SEMA5A: variants seen among roughly 807,000 people sequenced by gnomAD.
SEMA5A encodes semaphorin 5A.
A neutral mutation model predicts 135.5 loss-of-function variants in SEMA5A; 55 were observed. That is an observed-to-expected ratio of 0.41 (90% CI 0.33 to 0.51). SEMA5A has a LOEUF of 0.51. Among genes scored for constraint, SEMA5A ranks in the 20% least tolerant of loss-of-function variants. The pLI is 0.37. For missense variants in SEMA5A, 1,290 were observed against 1,419.9 expected, an observed-to-expected ratio of 0.91 and a Z score of 1.47; for synonymous variants, 580 against 546.5, an observed-to-expected ratio of 1.06 and a Z score of -0.85.
intron 5 of SEMA5A, among the ~76,000 whole-genome samples, chr5:9,248,256 G>T (rs189369761): frequency 4.7e-4 from 71 of 152,142 alleles, no homozygotes; most frequent in Middle Eastern, 6.8e-3. Context: ...GATGCCTTTT[G>T]TTATAATTTT....
chr5:9,280,855 A>C (rs761594182), intron 5 of SEMA5A: 1 of 406,164 alleles, frequency 2.5e-6, no homozygotes. Context: ...CGTTTTAGCA[A>C]ATAACAATAA....
intron 4 of SEMA5A, among the ~76,000 whole-genome samples, chr5:9,320,114 G>A (rs943206055): frequency 6.6e-6 from 1 of 152,098 alleles, no homozygotes; most frequent in Non-Finnish European, 1.5e-5. Context: ...CTCCTCACAT[G>A]GGGGTACCAC....
chr5:9,147,534 T>C (rs1742404013), intron 12 of SEMA5A, among the ~76,000 whole-genome samples: 1 of 152,012 alleles, frequency 6.6e-6, no homozygotes, highest in Admixed American at 6.6e-5. Flanking sequence ...CCTCCCAAAG[T>C]GCGGGGATTA....
At chr5:9,224,517 T>C (rs951670749) in intron 8 of SEMA5A, among the ~76,000 whole-genome samples, 157 bp downstream of exon 8, 1 of 152,202 alleles carries the variant, frequency 6.6e-6, no homozygotes, top group Non-Finnish European at 1.5e-5. Flanking sequence ...CCATATGATA[T>C]CCTGTTTATC....
At chr5:9,252,361 A>G (rs1259943725) in intron 5 of SEMA5A, among the ~76,000 whole-genome samples, 1 of 152,204 alleles carries the variant, frequency 6.6e-6, no homozygotes, top group Non-Finnish European at 1.5e-5. Flanking sequence ...AAAACACAAA[A>G]GTAAACTTAA....
intron 13 of SEMA5A, among the ~76,000 whole-genome samples, chr5:9,130,808 G>GAC (rs1264562929): frequency 6.6e-6 from 1 of 152,192 alleles, no homozygotes; most frequent in African/African-American, 2.4e-5. Flanking sequence ...GCTTTGGAAA[G>GAC]ACGTTGAGAG....
At chr5:9,192,635 A>T (rs995839040) in intron 10 of SEMA5A, among the ~76,000 whole-genome samples, 1 of 152,200 alleles carries the variant, frequency 6.6e-6, no homozygotes, top group South Asian at 2.1e-4. Context: ...AAATAGTAAC[A>T]TTTGGAGGTC....
At chr5:9,384,709 TAGATAGACAGAC>T (rs796609938) in intron 2 of SEMA5A, among the ~76,000 whole-genome samples, 4,365 of 127,324 alleles carry the variant, frequency 0.034, 331 homozygotes, top group Middle Eastern at 0.045. Flanking sequence ...GATAGATAGA[TAGATAGACAGAC>T]AGACAGACAG....
chr5:9,094,043 T>C (rs1025807929), intron 16 of SEMA5A, among the ~76,000 whole-genome samples: 1 of 152,238 alleles, frequency 6.6e-6, no homozygotes, highest in African/African-American at 2.4e-5. Context: ...ATAATTGCTC[T>C]GATGGCATTT....
rs575871250 is a variant in SEMA5A at position 9,093,715 on chromosome 5, C to CA, written c.2073+14424dup. Among the ~76,000 whole-genome samples, 542 of 150,468 alleles carry CA rather than the reference C, an allele frequency of 3.6e-3. 1 individual carries two copies. The highest frequency in any genetic ancestry group is 6.8e-3 in the Middle Eastern group (2 of 292). The stretch of plus-strand genomic sequence containing the variant: ...CTCAAAAAAAAACAAAAAAACAAAA[C>CA]AAAAAAAAACCGAATGACTGTGCAC... On this transcript the variant is annotated intron_variant, in intron 16 of 22. Transcript: ENST00000382496.
At chr5:9,456,853 G>T (rs546832384) in intron 1 of SEMA5A, among the ~76,000 whole-genome samples, 1 of 152,148 alleles carries the variant, frequency 6.6e-6, no homozygotes, top group Non-Finnish European at 1.5e-5. Context: ...CAACAGAGAG[G>T]CTGTCTTACC....
intron 1 of SEMA5A, chr5:9,518,068 A>G (rs928397906): frequency 1.3e-5 from 2 of 152,210 alleles, no homozygotes; most frequent in East Asian, 3.8e-4. Context: ...GAACAACTCT[A>G]TTTCACCCAC....
At chr5:9,336,683 G>A (rs143704452) in intron 4 of SEMA5A, among the ~76,000 whole-genome samples, 2,232 of 152,214 alleles carry the variant, frequency 0.015, 34 homozygotes, top group Non-Finnish European at 0.017. Context: ...TTCAAGTGTT[G>A]AGTGGATGTA....
At chr5:9,196,262 T>G (rs1001289266) in intron 10 of SEMA5A, among the ~76,000 whole-genome samples, 1 of 152,060 alleles carries the variant, frequency 6.6e-6, no homozygotes, top group African/African-American at 2.4e-5. Context: ...GTCTTAATGG[T>G]AGTAAATGAG....
At chr5:9,419,174 T>C (rs1390121602) in intron 2 of SEMA5A, among the ~76,000 whole-genome samples, 1 of 152,182 alleles carries the variant, frequency 6.6e-6, no homozygotes, top group Non-Finnish European at 1.5e-5. Flanking sequence ...TGTGTTTGTA[T>C]AGTTTTGAGA....
At chr5:9,294,159 T>G (rs1482155800) in intron 5 of SEMA5A, among the ~76,000 whole-genome samples, 2 of 152,190 alleles carry the variant, frequency 1.3e-5, no homozygotes, top group African/African-American at 4.8e-5. Context: ...GTCTTTGAAA[T>G]AAGACCAGAC....
chr5:9,352,295 T>C (rs918112412), intron 3 of SEMA5A, among the ~76,000 whole-genome samples: 1 of 152,192 alleles, frequency 6.6e-6, no homozygotes, highest in African/African-American at 2.4e-5. Context: ...CAATCTGATA[T>C]ATCTTTTTAT....
intron 5 of SEMA5A, among the ~76,000 whole-genome samples, chr5:9,291,477 G>A (rs919717508): frequency 1.3e-5 from 2 of 152,144 alleles, no homozygotes; most frequent in African/African-American, 4.8e-5. Context: ...GAAGGCAGGT[G>A]CCATGTAAGA....
chr5:9,423,081 G>A (rs1757526154), intron 2 of SEMA5A, among the ~76,000 whole-genome samples: 1 of 152,096 alleles, frequency 6.6e-6, no homozygotes, highest in Non-Finnish European at 1.5e-5. Context: ...GGGTGTATTA[G>A]CTGATATCTT....
Sources: allele counts gnomAD v4.1 joint callset (sites outside exome capture counted in the v4.1 genomes callset), GRCh38; gene constraint gnomAD v4.1.1; transcripts MANE v1.5; gene names NCBI Gene and HGNC (gene_info 2026-07-23, HGNC 2026-07-21).